The following LIPC variants were observed in gnomAD, a reference collection of about 807,000 sequenced individuals.
The protein encoded by LIPC is lipase C, hepatic type.
A neutral mutation model predicts 50.7 loss-of-function variants in LIPC; 44 were observed. That is an observed-to-expected ratio of 0.87 (90% confidence interval 0.68 to 1.11). LIPC has a LOEUF of 1.11. Ranked by LOEUF, LIPC falls within the 50% of genes most tolerant of loss-of-function variation. The pLI is 0.00. For missense variants in LIPC, 697 were observed against 648.2 expected (o/e 1.08, Z -0.82); for synonymous variants, 271 against 256.4 (o/e 1.06, Z -0.54).
At chr15:58,536,303 G>A (rs1379532687) in intron 1 of LIPC, among the ~76,000 whole-genome samples, 1 of 152,174 alleles carries the variant, frequency 6.6e-6, no homozygotes, top group Non-Finnish European at 1.5e-5. Flanking sequence ...GAAAAGAGAG[G>A]AGGAGGTGGG....
chr15:58,472,444 C>A (rs1248894942), intron 1 of LIPC, among the ~76,000 whole-genome samples: 6 of 151,784 alleles, frequency 4.0e-5, no homozygotes, highest in Non-Finnish European at 1.5e-5. Flanking sequence ...AGTGTGGTAG[C>A]ATGCGCCTGT....
At chr15:58,483,799 T>C (rs1891272761) in intron 1 of LIPC, among the ~76,000 whole-genome samples, 1 of 152,170 alleles carries the variant, frequency 6.6e-6, no homozygotes. Context: ...CTGCAAAAAG[T>C]GCTTCTGAAG....
At chr15:58,432,166 T>C (rs778694967) in intron 1 of LIPC, 46 bp downstream of exon 1, 1 of 1,355,920 alleles carries the variant, frequency 7.4e-7, no homozygotes, top group Admixed American at 1.7e-5. Flanking sequence ...ACTTTTCTTT[T>C]TAAAACGTGT....
chr15:58,518,529 T>A (rs1288109982), intron 1 of LIPC, among the ~76,000 whole-genome samples: 2 of 152,178 alleles, frequency 1.3e-5, no homozygotes, highest in Non-Finnish European at 2.9e-5. Context: ...GTGTTCTCGC[T>A]CCACTCCTTC....
At chr15:58,468,197 A>G (rs753328153) in intron 1 of LIPC, among the ~76,000 whole-genome samples, 2 of 152,166 alleles carry the variant, frequency 1.3e-5, no homozygotes, top group Non-Finnish European at 1.5e-5. Flanking sequence ...ACCCTTGTCT[A>G]TACTGCACCT....
chr15:58,493,622 T>A (rs946577990), intron 1 of LIPC, among the ~76,000 whole-genome samples: 2 of 145,418 alleles, frequency 1.4e-5, no homozygotes, highest in South Asian at 4.3e-4. Flanking sequence ...TTATTACGTA[T>A]AAATAAAATT....
intron 1 of LIPC, among the ~76,000 whole-genome samples, chr15:58,490,593 G>A (rs762634674): frequency 4.6e-5 from 7 of 152,128 alleles, no homozygotes; most frequent in Non-Finnish European, 1.0e-4. Flanking sequence ...CTTATTTTTA[G>A]AAGCTGTTTT....
At chr15:58,550,955 GCCT>G (rs1893735547) in intron 6 of LIPC, among the ~76,000 whole-genome samples, 1 of 144,614 alleles carries the variant, frequency 6.9e-6, no homozygotes. Flanking sequence ...TCCTGCCTCA[GCCT>G]CCTAAGTAGC....
At chr15:58,525,389 G>T (rs1892772721) in intron 1 of LIPC, among the ~76,000 whole-genome samples, 1 of 152,234 alleles carries the variant, frequency 6.6e-6, no homozygotes, top group Admixed American at 6.5e-5. Flanking sequence ...TTCCCCCATA[G>T]TCCTTTTTAG....
intron 1 of LIPC, among the ~76,000 whole-genome samples, chr15:58,528,397 G>A (rs1232172879): frequency 6.6e-6 from 1 of 152,292 alleles, no homozygotes; most frequent in Admixed American, 6.5e-5. Context: ...AGGTACTACT[G>A]TTAGTCTTAT....
intron 1 of LIPC, among the ~76,000 whole-genome samples, chr15:58,493,476 TA>T (rs1323277523): frequency 1.6e-4 from 24 of 151,386 alleles, no homozygotes; most frequent in Admixed American, 1.3e-3. Flanking sequence ...TTAAAATATA[TA>T]TATATTTTTT....
chr15:58,450,434 A>C (rs1273974733), intron 1 of LIPC, among the ~76,000 whole-genome samples: 1 of 152,208 alleles, frequency 6.6e-6, no homozygotes, highest in African/African-American at 2.4e-5. Flanking sequence ...AGTGGGAAGC[A>C]TTAGAGACCA....
intron 1 of LIPC, among the ~76,000 whole-genome samples, chr15:58,439,459 C>G (rs1338679228): frequency 6.6e-6 from 1 of 152,064 alleles, no homozygotes; most frequent in Non-Finnish European, 1.5e-5. Context: ...GTTTGTTTTT[C>G]CTGAGACGGA....
At chr15:58,512,593 C>T (rs1269905480) in intron 1 of LIPC, among the ~76,000 whole-genome samples, 1 of 152,150 alleles carries the variant, frequency 6.6e-6, no homozygotes, top group East Asian at 1.9e-4. Context: ...AATCACAGCC[C>T]ACAGGGTGAC....
chr15:58,453,406 G>A (rs553290930), intron 1 of LIPC, among the ~76,000 whole-genome samples: 65 of 152,146 alleles, frequency 4.3e-4, no homozygotes, highest in Non-Finnish European at 5.9e-4. Context: ...GATTCTAATC[G>A]GTCCCCCAAC....
chr15:58,511,133 T>C (rs1289232656), intron 1 of LIPC, among the ~76,000 whole-genome samples: 1 of 152,254 alleles, frequency 6.6e-6, no homozygotes, highest in Non-Finnish European at 1.5e-5. Context: ...CTCTACATCC[T>C]ATGTTTTTCT....
chr15:58,563,507 G>T lies in LIPC; in HGVS notation c.1172G>T (p.Gly391Val). Residue 391 changes from glycine to valine, a missense_variant and splice_region_variant, in exon 8 of 9, where the codon GGC becomes GTC. Gly to Val is a moderately radical substitution (Grantham distance 109). Coordinates refer to ENST00000299022, the MANE Select transcript of LIPC (RefSeq NM_000236.3). ...EKMQKIPITL[G>V]KGIASNKTYS... ...CTGATTTTCTTTGTGTATTCAAGGG[G>T]CAAAGGAATTGCTAGTAATAAAACG... 1 of 1,612,766 alleles carries T rather than the reference G, an allele frequency of 6.2e-7. No individual in the cohort carries two copies. The highest frequency in any genetic ancestry group is 8.5e-7 in the Non-Finnish European group (1 of 1,178,920).
intron 4 of LIPC, among the ~76,000 whole-genome samples, chr15:58,544,949 G>A (rs1464217784): frequency 6.6e-6 from 1 of 152,210 alleles, no homozygotes; most frequent in African/African-American, 2.4e-5. Flanking sequence ...GAGGCCCAGA[G>A]CTTTGAGCTC....
At chr15:58,452,114 C>T (rs1595860034) in intron 1 of LIPC, among the ~76,000 whole-genome samples, 1 of 152,194 alleles carries the variant, frequency 6.6e-6, no homozygotes, top group Non-Finnish European at 1.5e-5. Context: ...GTTGAATACA[C>T]ATTTCAGTGA....
Sources: allele counts gnomAD v4.1 joint callset (sites outside exome capture counted in the v4.1 genomes callset), GRCh38; gene constraint gnomAD v4.1.1; transcripts MANE v1.5; gene names NCBI Gene and HGNC (gene_info 2026-07-23, HGNC 2026-07-21).